CACNA1F: variants seen among roughly 807,000 people sequenced by gnomAD.
CACNA1F encodes voltage-dependent L-type calcium channel subunit alpha-1F.
In CACNA1F, 59 loss-of-function variants were observed where a neutral mutation model predicts 143.8. The ratio of observed to expected loss-of-function variants is 0.41; its 90% CI spans 0.33 to 0.51. The LOEUF (loss-of-function observed/expected upper bound fraction) is 0.51, where lower values mean the gene tolerates loss of function less well. CACNA1F is among the 20% of genes least tolerant of loss of function. CACNA1F has a pLI of 0.22. For missense variants in CACNA1F, 1,411 were observed against 1,647.5 expected, an observed-to-expected ratio of 0.86 and a Z score of 2.48; for synonymous variants, 643 against 649.1, an observed-to-expected ratio of 0.99 and a Z score of 0.14.
intron 21 of CACNA1F, 114 bp from the exon 22 acceptor site, chrX:49,219,055 G>T: frequency 1.4e-6 from 1 of 690,760 alleles, no homozygotes. Context: ...GGACCCTTCT[G>T]CCTCTACCCA....
chrX:49,226,456 G>A lies in CACNA1F; in HGVS notation c.1416C>T (p.Gly472=), dbSNP rs148184710. The A allele has an allele frequency of 3.4e-5, 40 of 1,189,819 alleles. No individual in the cohort carries two copies. The highest frequency in any genetic ancestry group is 4.2e-5 in the Non-Finnish European group (37 of 884,538). The change falls in exon 11 of 48, where the codon GGC becomes GGT. Residue 472 remains glycine, a synonymous_variant. Coordinates refer to ENST00000323022, the MANE Select transcript of CACNA1F (RefSeq NM_001256789.3). ...GAGCCCCCTCCTCCTCATCCTCATC[G>A]CCTTGGGTCTCTGTCATGGAACCGG... ...SDTGSMTETQ[G]DEDEEEGALA... is the part of the protein sequence containing the mutation.
In CACNA1F at chrX:49,223,121, C is replaced by T; in HGVS notation, c.1893G>A (p.Leu631=). Residue 631 remains leucine (L), a synonymous_variant, in exon 15 of 48, where the codon CTG becomes CTA. Coordinates refer to ENST00000323022, the MANE Select transcript of CACNA1F (RefSeq NM_001256789.3). ...TGAGCAGGGATGCCACCAGATTGCT[C>T]AGAGAAGCCCAGTGTCTGCAGCAGA... ...IFKVTRHWAS[L]SNLVASLLNS... is the part of the protein sequence containing the mutation. The T allele has an allele frequency of 8.4e-7, 1 of 1,189,949 alleles. No individual in the cohort carries two copies. The highest frequency in any genetic ancestry group is 1.1e-6 in the Non-Finnish European group (1 of 880,280).
At position 49,213,002 on chromosome X, in the gene CACNA1F, G is replaced by T. The variant is rs2065673986; in HGVS notation, c.3793-8C>A. ...GCCAAGGTGGCCACCATTCTGGAGG[G>T]AGATATGGCCAAGAAAAAGGTGATA... is the stretch of plus-strand genomic sequence containing the variant. On this transcript the variant is annotated splice_polypyrimidine_tract_variant and splice_region_variant and intron_variant, in intron 31 of 47. Coordinates refer to ENST00000323022, the MANE Select transcript of CACNA1F (RefSeq NM_001256789.3). The T allele has an allele frequency of 8.4e-7, 1 of 1,196,999 alleles. No individual in the cohort carries two copies. Among genetic ancestry groups the T allele is most frequent in the African/African-American group, 1.8e-5 (1 of 56,786 alleles).
chrX:49,206,182 C>T (rs782375385), intron 46 of CACNA1F, among the ~76,000 whole-genome samples: 2 of 109,819 alleles, frequency 1.8e-5, no homozygotes, highest in Admixed American at 1.9e-4. Flanking sequence ...CACCTGAGGT[C>T]AGGGGTTTGA....
chrX:49,214,242 A>G lies in CACNA1F; in HGVS notation c.3625T>C (p.Tyr1209His). Residue 1209 changes from tyrosine (Y) to histidine (H), a missense_variant, in exon 30 of 48, where the codon TAT (tyrosine) becomes CAT (histidine). Tyr to His is a moderately conservative substitution (Grantham distance 83). Coordinates refer to ENST00000323022, the MANE Select transcript of CACNA1F (RefSeq NM_001256789.3). The part of the protein sequence containing the change: ...QHYEQTAPFN[Y>H]AMDILNMVFT... ...ACCATGTTGAGGATGTCCATGGCAT[A>G]GTTGAAGGGAGCAGTCTGCTCATAG... The G allele has an allele frequency of 3.4e-6, 4 of 1,185,502 alleles. No individual in the cohort carries two copies. Among genetic ancestry groups the G allele is most frequent in the African/African-American group, 1.7e-5 (1 of 57,412 alleles).
In CACNA1F at chrX:49,206,819, C is replaced by T. The variant is rs1056157465; in HGVS notation, c.5268G>A (p.Pro1756=). ...SYLDEQAGTP[P]CSVLLPPHRA... ...TGTGAGGTGGCAAAAGGACTGAGCACGGGGGAGTCCCTGCCTGCTCATCTA... is the reference window on the plus strand; with the variant it reads ...TGTGAGGTGGCAAAAGGACTGAGCATGGGGGAGTCCCTGCCTGCTCATCTA... Residue 1756 remains proline, a synonymous_variant, in exon 45 of 48, where the codon CCG becomes CCA. Transcript: ENST00000323022. 7.3e-6 allele frequency: 8 copies of T among 1,093,817 alleles called. No homozygotes were observed. The highest frequency in any genetic ancestry group is 2.6e-4 in the Middle Eastern group (1 of 3,851). 90.1% of individuals were successfully genotyped at this position (1,093,817 alleles called of 1,213,427 possible).
chrX:49,222,925 C>T lies in CACNA1F; in HGVS notation c.2085+4G>A, dbSNP rs781998646. 4 of 1,206,969 alleles carry T rather than the reference C, an allele frequency of 3.3e-6. No individual in the cohort carries two copies. In the South Asian group the frequency reaches 5.3e-5, roughly 16 times the overall value. On this transcript the variant is annotated splice_donor_region_variant and intron_variant, in intron 15 of 47. Coordinates refer to ENST00000323022, the MANE Select transcript of CACNA1F (RefSeq NM_001256789.3). ...CCACCCATCCCATGGTCTCCAGATC[C>T]TACCTGAAAGACAGTGAGGAGGGCC...
intron 27 of CACNA1F, 99 bp downstream of exon 27, chrX:49,216,283 T>G: frequency 1.1e-6 from 1 of 920,753 alleles, no homozygotes; most frequent in Non-Finnish European, 1.6e-6. Flanking sequence ...CTTCGTCACA[T>G]CCCCAAGGTA....
intron 1 of CACNA1F, among the ~76,000 whole-genome samples, chrX:49,232,809 T>A (rs1446724308): frequency 9.1e-6 from 1 of 110,305 alleles, no homozygotes; most frequent in Non-Finnish European, 1.9e-5. Flanking sequence ...TCTCTTTCTC[T>A]CTTTTGTTTT....
In CACNA1F at chrX:49,205,097, G is replaced by A. The variant is rs1392189814; in HGVS notation, c.*40C>T. The A allele has an allele frequency of 2.0e-6, 2 of 995,577 alleles. No individual in the cohort carries two copies. Among genetic ancestry groups the A allele is most frequent in the East Asian group, 6.1e-5 (2 of 32,528 alleles). 82.0% of individuals were successfully genotyped at this position (995,577 alleles called of 1,213,427 possible). A position where few individuals can be genotyped will look rare whatever the true frequency, so the allele number is the denominator to read the frequency against. The stretch of plus-strand genomic sequence containing the variant: ...TGCCTGCCTCCTGCTGGGGAGGGGA[G>A]GGCAGGAGGTTTATTGAGCAGTTGG... On this transcript the variant is annotated 3_prime_UTR_variant, in exon 48 of 48. Transcript: ENST00000323022.
At position 49,231,775 on chromosome X, in the gene CACNA1F, C is replaced by T. The variant is rs782695684; in HGVS notation, c.178G>A (p.Val60Met). Reference protein sequence around the residue: ...RRNQHSKHKTVAVASAQRSPR... With the variant: ...RRNQHSKHKTMAVASAQRSPR... ...GACCGCTGGGCACTGGCCACTGCCA[C>T]TGTCTTGTGCTTGCTGTGCTGGTTT... Residue 60 changes from valine to methionine, a missense_variant, in exon 2 of 48, where the codon GTG becomes ATG. Physicochemically the swap from Val to Met is conservative, Grantham distance 21. Around this residue, in one of 3 missense-constraint regions of CACNA1F, gnomAD observed 950 missense variants for 1,128.1 expected, o/e 0.84. Coordinates refer to ENST00000323022, the MANE Select transcript of CACNA1F (RefSeq NM_001256789.3). 1.4e-5 allele frequency: 17 copies of T among 1,211,814 alleles called. No homozygotes were observed. The highest frequency in any genetic ancestry group is 1.9e-5 in the Non-Finnish European group (17 of 895,396).
chrX:49,216,524 A>T lies in CACNA1F; in HGVS notation c.3094T>A (p.Ser1032Thr). The T allele has an allele frequency of 8.3e-7, 1 of 1,202,867 alleles. No homozygotes were observed. Residue 1032 changes from serine to threonine, a missense_variant, in exon 27 of 48, where the codon TCC (serine) becomes ACC (threonine). Coordinates refer to ENST00000323022, the MANE Select transcript of CACNA1F (RefSeq NM_001256789.3). ...TCTCCATCTGGGTATACCAGGAAGGAGCCCCTGTGGATGTGCAAACAGGTT... is the reference window on the plus strand; with the variant it reads ...TCTCCATCTGGGTATACCAGGAAGGTGCCCCTGTGGATGTGCAAACAGGTT... ...AKHTPQECKG[S>T]FLVYPDGDVS...
chrX:49,209,193 A>C lies in CACNA1F; in HGVS notation c.4953+69T>G, dbSNP rs782062408. ...GGAGCTTCTTCCCAGAAGCAGTGTC[A>C]AAATCACTCAGGGGATTGACGAAGT... On this transcript the variant is annotated intron_variant, in intron 42 of 47. Coordinates refer to ENST00000323022, the MANE Select transcript of CACNA1F (RefSeq NM_001256789.3). The C allele has an allele frequency of 2.5e-6, 3 of 1,178,465 alleles. No homozygotes were observed. The East Asian group carries it at 8.9e-5, about 35-fold the overall frequency.
intron 42 of CACNA1F, 91 bp downstream of exon 42, chrX:49,209,171 G>C (rs782407375): frequency 9.2e-7 from 1 of 1,088,957 alleles, no homozygotes; most frequent in Non-Finnish European, 1.3e-6. Flanking sequence ...CTCTGGGGGA[G>C]CTTCTTCCCA....
rs782540789 is a variant in CACNA1F at position 49,228,067 on chromosome X, C to T, written c.1087G>A (p.Val363Ile). ...VSLVIFGSFFVLNLVLGVLSG... is the reference protein window; with the variant it reads ...VSLVIFGSFFILNLVLGVLSG... ...AGGACGCCAAGCACAAGGTTGAGGA[C>T]GAAGAAGGACCCAAAGATGACAAGG... Residue 363 changes from valine to isoleucine, a missense_variant, in exon 8 of 48, where the codon GTC (valine) becomes ATC (isoleucine). Coordinates refer to ENST00000323022, the MANE Select transcript of CACNA1F (RefSeq NM_001256789.3). 39 of 1,208,469 alleles carry T rather than the reference C, an allele frequency of 3.2e-5. No homozygotes were observed. The Admixed American group carries it at 3.5e-4, about 11-fold the overall frequency.
rs1158662207 is a variant in CACNA1F, at chrX:49,206,800, G to T, written c.5287C>A (p.Pro1763Thr). The change falls in exon 45 of 48, where the codon CCT becomes ACT. Residue 1763 changes from proline to threonine, a missense_variant. Pro to Thr is a conservative substitution (Grantham distance 38). Around this residue, in one of 3 missense-constraint regions of CACNA1F, gnomAD observed 349 missense variants for 350.2 expected, o/e 1.00. Transcript: ENST00000323022. ...TCCATGTATCTCTGAGCTCTGTGAG[G>T]TGGCAAAAGGACTGAGCACGGGGGA... ...GTPPCSVLLP[P>T]HRAQRYMDGH... 6.6e-6 allele frequency: 8 copies of T among 1,208,615 alleles called. No individual in the cohort carries two copies. In the Admixed American group the frequency reaches 1.3e-4, roughly 20 times the overall value.
chrX:49,217,539 A>G (rs1198221016), intron 26 of CACNA1F, among the ~76,000 whole-genome samples: 2 of 110,052 alleles, frequency 1.8e-5, no homozygotes, highest in Admixed American at 9.7e-5. Context: ...GTGATTGCTA[A>G]TGGGTCTGGA....
chrX:49,211,533 T>C, intron 35 of CACNA1F, 52 bp from the exon 36 acceptor site: 1 of 1,080,792 alleles, frequency 9.3e-7, no homozygotes, highest in African/African-American at 1.8e-5. Flanking sequence ...TATGAAGTCA[T>C]GGTAAATGGA....
intron 14 of CACNA1F, among the ~76,000 whole-genome samples, chrX:49,224,025 T>G (rs185019589): frequency 1.0e-3 from 112 of 111,421 alleles, no homozygotes; most frequent in Admixed American, 1.8e-3. Flanking sequence ...AGCCACCGCA[T>G]CCAGCCTAGG....
Sources: gnomAD v4.1 joint callset for allele counts (sites outside exome capture counted in the v4.1 genomes callset) on GRCh38, gnomAD v4.1.1 for gene constraint, gnomAD v4.1.1 regional missense constraint, MANE v1.5 for transcripts, NCBI Gene and HGNC (gene_info 2026-07-23, HGNC 2026-07-21) for gene names.